Variants in IMMP2L observed in about 807,000 individuals in gnomAD.
The protein encoded by IMMP2L is mitochondrial inner membrane protease subunit 2.
A neutral mutation model predicts 19.3 loss-of-function variants in IMMP2L; 18 were observed. The observed-to-expected ratio is 0.93, with a 90% confidence interval of 0.64 to 1.38. The LOEUF (loss-of-function observed/expected upper bound fraction) is 1.38, where lower values mean the gene tolerates loss of function less well. IMMP2L is among the 40% of genes most tolerant of loss of function. IMMP2L has a pLI of 0.00. For synonymous variants in IMMP2L, 76 were observed against 73.0 expected, an observed-to-expected ratio of 1.04 and a Z score of -0.21; for missense variants, 233 against 218.2, an observed-to-expected ratio of 1.07 and a Z score of -0.43.
intron 5 of IMMP2L, among the ~76,000 whole-genome samples, chr7:110,756,894 T>C (rs1274301319): frequency 6.6e-6 from 1 of 152,052 alleles, no homozygotes. Flanking sequence ...TCAGTAAGGG[T>C]TTGATCTCTT....
chr7:111,541,447 T>C (rs377599249), intron 1 of IMMP2L, among the ~76,000 whole-genome samples: 5 of 152,328 alleles, frequency 3.3e-5, no homozygotes, highest in African/African-American at 1.2e-4. Flanking sequence ...GCAGCAAAGA[T>C]AAGTTATGGC....
intron 3 of IMMP2L, among the ~76,000 whole-genome samples, chr7:111,058,919 TA>T (rs1251198412): frequency 3.3e-5 from 5 of 152,310 alleles, no homozygotes; most frequent in African/African-American, 9.6e-5. Context: ...TTTGAGACTT[TA>T]TCACTGTGTT....
chr7:111,474,449 T>A (rs938839728), intron 3 of IMMP2L, among the ~76,000 whole-genome samples: 6 of 151,938 alleles, frequency 3.9e-5, no homozygotes, highest in Non-Finnish European at 8.8e-5. Context: ...TATTCAAAGA[T>A]AACTGCAGGA....
intron 5 of IMMP2L, among the ~76,000 whole-genome samples, chr7:110,764,799 C>A (rs1269812232): frequency 1.3e-5 from 2 of 152,000 alleles, no homozygotes; most frequent in African/African-American, 4.8e-5. Context: ...CATCATTACT[C>A]CTGAAAGAAT....
intron 3 of IMMP2L, among the ~76,000 whole-genome samples, chr7:111,228,563 CAA>C (rs969700452): frequency 2.0e-5 from 3 of 152,050 alleles, no homozygotes; most frequent in African/African-American, 7.2e-5. Flanking sequence ...TCCCATCTCT[CAA>C]GTGTGTGTTA....
intron 3 of IMMP2L, among the ~76,000 whole-genome samples, chr7:111,381,116 G>A (rs904685200): frequency 6.6e-6 from 1 of 151,936 alleles, no homozygotes; most frequent in Non-Finnish European, 1.5e-5. Flanking sequence ...GATTAACCCA[G>A]CATATTTCTA....
intron 3 of IMMP2L, among the ~76,000 whole-genome samples, chr7:111,387,138 A>G (rs1184424633): frequency 6.6e-6 from 1 of 152,170 alleles, no homozygotes; most frequent in African/African-American, 2.4e-5. Flanking sequence ...ACTGTTTTCA[A>G]AAATGATGAG....
chr7:111,007,945 A>T (rs558213797), intron 3 of IMMP2L, among the ~76,000 whole-genome samples: 1 of 152,186 alleles, frequency 6.6e-6, no homozygotes, highest in African/African-American at 2.4e-5. Flanking sequence ...TCCGGGTTAA[A>T]AACATTATTG....
rs548573956 is a variant in IMMP2L, at chr7:111,536,377, G to A, written c.-2-14928C>T. 5.3e-5 allele frequency among the ~76,000 whole-genome samples: 8 copies of A among 151,890 alleles called. No homozygotes were observed. The South Asian group carries it at 6.3e-4, about 12-fold the overall frequency. The stretch of plus-strand genomic sequence containing the variant: ...CGCTGGAGTGCAGTGGCATGATCAC[G>A]GCTCACTGCAGCCTCAATTCCCAGG... On this transcript the variant is annotated intron_variant, in intron 1 of 5. Coordinates refer to ENST00000405709, the MANE Select transcript of IMMP2L (RefSeq NM_032549.4).
chr7:111,471,085 G>C (rs753532222), intron 3 of IMMP2L, among the ~76,000 whole-genome samples: 1 of 151,906 alleles, frequency 6.6e-6, no homozygotes, highest in Non-Finnish European at 1.5e-5. Flanking sequence ...GCAATGAGAA[G>C]ATTTGAGAAT....
chr7:111,410,122 G>A (rs1166329899), intron 3 of IMMP2L, among the ~76,000 whole-genome samples: 1 of 151,764 alleles, frequency 6.6e-6, no homozygotes, highest in Non-Finnish European at 1.5e-5. Context: ...ACTCCAAGCA[G>A]CCAAGTGAAA....
intron 3 of IMMP2L, among the ~76,000 whole-genome samples, chr7:111,414,519 A>C (rs1390249671): frequency 6.6e-6 from 1 of 151,884 alleles, no homozygotes; most frequent in African/African-American, 2.4e-5. Context: ...GGGCAGGAGG[A>C]AGATAGAGAT....
At chr7:111,387,988 A>AAAAAAC (rs1554477402) in intron 3 of IMMP2L, among the ~76,000 whole-genome samples, 7 of 150,578 alleles carry the variant, frequency 4.6e-5, no homozygotes, top group African/African-American at 1.7e-4. Flanking sequence ...AAAAAAAAAA[A>AAAAAAC]AAAAAAAAAA....
intron 3 of IMMP2L, among the ~76,000 whole-genome samples, chr7:111,463,874 A>G (rs1840369193): frequency 6.6e-6 from 1 of 152,206 alleles, no homozygotes; most frequent in Non-Finnish European, 1.5e-5. Flanking sequence ...TCTTTAGAGT[A>G]TTTACATAAT....
chr7:111,190,440 A>G (rs895759933), intron 3 of IMMP2L, among the ~76,000 whole-genome samples: 5 of 152,152 alleles, frequency 3.3e-5, no homozygotes, highest in African/African-American at 1.2e-4. Context: ...AGGGAAAACT[A>G]TTTTTATTTT....
At position 110,997,746 on chromosome 7, in the gene IMMP2L, T is replaced by C. The variant is rs530660489; in HGVS notation, c.240-34181A>G. ...TGCTGAGTTTTGAGAGTTCTTCATA[T>C]ATTCTAGACACAAATTCTTCCTCAG... On this transcript the variant is annotated intron_variant, in intron 3 of 5. Transcript: ENST00000405709. Among the ~76,000 whole-genome samples, 12 of 152,266 alleles carry C rather than the reference T, an allele frequency of 7.9e-5. No individual in the cohort carries two copies. The East Asian group carries it at 1.5e-3, about 20-fold the overall frequency.
intron 3 of IMMP2L, among the ~76,000 whole-genome samples, chr7:111,172,174 A>G (rs907125310): frequency 6.6e-6 from 1 of 151,516 alleles, no homozygotes; most frequent in African/African-American, 2.4e-5. Flanking sequence ...GGTATAAAAT[A>G]TAAGGGACTT....
chr7:110,761,246 G>C (rs139260682), intron 5 of IMMP2L, among the ~76,000 whole-genome samples: 3 of 152,092 alleles, frequency 2.0e-5, no homozygotes, highest in African/African-American at 7.2e-5. Flanking sequence ...ACTTCTTGAC[G>C]ATGGGGATGG....
intron 3 of IMMP2L, among the ~76,000 whole-genome samples, chr7:111,390,369 C>T (rs1469943870): frequency 1.3e-5 from 2 of 152,164 alleles, no homozygotes; most frequent in East Asian, 1.9e-4. Flanking sequence ...CCCTAAAATA[C>T]ATCTCACACC....
Sources: gnomAD v4.1 joint callset for allele counts (sites outside exome capture counted in the v4.1 genomes callset) on GRCh38, gnomAD v4.1.1 for gene constraint, MANE v1.5 for transcripts, NCBI Gene and HGNC (gene_info 2026-07-23, HGNC 2026-07-21) for gene names.